Variants in CBX3 observed in about 807,000 individuals in gnomAD.
CBX3 encodes the protein chromobox protein homolog 3.
CBX3 carries 5 observed loss-of-function variants against 22.6 expected under a neutral mutation model. That is an observed-to-expected ratio of 0.22 (90% CI 0.12 to 0.47). The LOEUF (loss-of-function observed/expected upper bound fraction) is 0.47, where lower values mean the gene tolerates loss of function less well. Among genes scored for constraint, CBX3 ranks in the 20% least tolerant of loss-of-function variants. The pLI, the probability that CBX3 is intolerant of heterozygous loss-of-function variation, is 0.99. For synonymous variants in CBX3, 50 were observed against 66.6 expected, an observed-to-expected ratio of 0.75 and a Z score of 1.21; for missense variants, 83 against 208.1, an observed-to-expected ratio of 0.40 and a Z score of 3.70.
chr7:26,202,931 T>G, intron 1 of CBX3, 40 bp from the exon 2 acceptor site: 3 of 1,252,810 alleles, frequency 2.4e-6, no homozygotes, highest in Non-Finnish European at 3.5e-6. Flanking sequence ...ACCTTTTTTG[T>G]GTCATGCAAA....
intron 2 of CBX3, among the ~76,000 whole-genome samples, chr7:26,203,481 C>T (rs1249152539): frequency 1.3e-5 from 2 of 152,134 alleles, no homozygotes; most frequent in Non-Finnish European, 2.9e-5. Flanking sequence ...TTACTTTGGT[C>T]ACTTTATCTT....
At chr7:26,211,217 A>G (rs1032937571) in intron 4 of CBX3, among the ~76,000 whole-genome samples, 4 of 152,222 alleles carry the variant, frequency 2.6e-5, no homozygotes, top group Non-Finnish European at 5.9e-5. Flanking sequence ...TAGAATGATT[A>G]CAGATAGTTG....
chr7:26,206,409 T>A lies in CBX3; in HGVS notation c.66T>A (p.Val22=). The A allele has an allele frequency of 6.2e-7, 1 of 1,613,270 alleles. No individual in the cohort carries two copies. Among genetic ancestry groups the A allele is most frequent in the Non-Finnish European group, 8.5e-7 (1 of 1,179,706 alleles). ...AACAGAATGGAAAGAGTAAAAAAGT[T>A]GAAGAGGCAGAGCCTGAAGAATTTG... ...GKKQNGKSKK[V]EEAEPEEFVV... is the part of the protein sequence containing the mutation. The change falls in exon 3 of 6, where the codon GTT becomes GTA. Residue 22 remains valine (V), a synonymous_variant. Transcript: ENST00000396386.
chr7:26,211,213 G>T (rs1280936220), intron 4 of CBX3, among the ~76,000 whole-genome samples: 1 of 152,136 alleles, frequency 6.6e-6, no homozygotes, highest in Non-Finnish European at 1.5e-5. Flanking sequence ...CATTTAGAAT[G>T]ATTACAGATA....
chr7:26,206,347 T>G (rs773826070), intron 2 of CBX3, 21 bp from the exon 3 acceptor site: 3 of 1,026,106 alleles, frequency 2.9e-6, no homozygotes, highest in Non-Finnish European at 4.0e-6. Flanking sequence ...ATTTCTTAAT[T>G]TCTCTTTTGT....
intron 4 of CBX3, among the ~76,000 whole-genome samples, chr7:26,210,941 C>CATT: frequency 6.6e-6 from 1 of 152,252 alleles, no homozygotes; most frequent in East Asian, 1.9e-4. Context: ...CCGTAGACCA[C>CATT]ATTTTGAGAG....
At chr7:26,201,722 G>T (rs1288124767), upstream of CBX3, 1 of 96,666 alleles carries the variant, frequency 1.0e-5, no homozygotes, top group Admixed American at 1.2e-4. Flanking sequence ...GCGGCCCCGC[G>T]CGCAGCTCCC....
chr7:26,211,431 C>G (rs1265908384), intron 4 of CBX3, among the ~76,000 whole-genome samples: 2 of 152,068 alleles, frequency 1.3e-5, no homozygotes, highest in South Asian at 4.1e-4. Flanking sequence ...CAGTAATTTT[C>G]TTGACTTTTT....
upstream of CBX3, chr7:26,201,704 T>G (rs1784454830): frequency 3.8e-5 from 4 of 105,246 alleles, no homozygotes; most frequent in Admixed American, 3.2e-4. Flanking sequence ...GTGCCACCCC[T>G]CCCCCCGGCG....
In CBX3 at chr7:26,202,977, C is replaced by G. The variant is rs754824132; in HGVS notation, c.-22C>G. ...CTGTCATGCATTTTTCTAGTAATAG[C>G]TCTTCAAGTCTGCAATAAAAAATGG... On this transcript the variant is annotated 5_prime_UTR_variant, in exon 2 of 6. Transcript: ENST00000396386. The G allele has an allele frequency of 6.9e-6, 11 of 1,598,380 alleles. No individual in the cohort carries two copies. The highest frequency in any genetic ancestry group is 4.4e-5 in the South Asian group (4 of 90,542).
rs59657982 is a variant in CBX3, at chr7:26,208,917, C to CTTTTTTTTT, written c.330+388_330+396dup. Among the ~76,000 whole-genome samples the CTTTTTTTTT allele has an allele frequency of 5.4e-4, 15 of 27,942 alleles. 5 individuals carry two copies. The highest frequency in any genetic ancestry group is 4.4e-3 in the East Asian group (2 of 456). 18.3% of individuals were successfully genotyped at this position (27,942 alleles called of 152,430 possible). A position where few individuals can be genotyped will look rare whatever the true frequency, so the allele number is the denominator to read the frequency against. On this transcript the variant is annotated intron_variant, in intron 4 of 5. Transcript: ENST00000396386. The stretch of plus-strand genomic sequence containing the variant: ...GTAGGCATGAGCCACCACGCCTGGC[C>CTTTTTTTTT]TTTTTTTTTTTTTTTTTTTTTTTTT...
intron 5 of CBX3, 69 bp from the exon 6 acceptor site, chr7:26,212,013 A>C: frequency 2.2e-6 from 3 of 1,361,318 alleles, no homozygotes; most frequent in Non-Finnish European, 2.9e-6. Context: ...ATTATTTCTT[A>C]AATGAATGGC....
At chr7:26,203,224 T>C (rs1048967754) in intron 2 of CBX3, among the ~76,000 whole-genome samples, 7 of 152,218 alleles carry the variant, frequency 4.6e-5, no homozygotes, top group African/African-American at 1.7e-4. Flanking sequence ...CTTAACTAGT[T>C]CAAAGAAGGC....
At chr7:26,204,061 G>A (rs993003733) in intron 2 of CBX3, among the ~76,000 whole-genome samples, 3 of 152,160 alleles carry the variant, frequency 2.0e-5, no homozygotes, top group Non-Finnish European at 4.4e-5. Context: ...TGTGAGATAT[G>A]TGTGCTGTTA....
rs372876793 is a variant in CBX3, at chr7:26,202,982, C to A, written c.-17C>A. 129 of 1,602,950 alleles carry A rather than the reference C, an allele frequency of 8.0e-5. No homozygotes were observed. Among genetic ancestry groups the A allele is most frequent in the Non-Finnish European group, 1.0e-4 (119 of 1,170,510 alleles). On this transcript the variant is annotated 5_prime_UTR_variant, in exon 2 of 6. Coordinates refer to ENST00000396386, the MANE Select transcript of CBX3 (RefSeq NM_016587.4). ...ATGCATTTTTCTAGTAATAGCTCTTCAAGTCTGCAATAAAAAATGGCCTCC... is the reference window on the plus strand; with the variant it reads ...ATGCATTTTTCTAGTAATAGCTCTTAAAGTCTGCAATAAAAAATGGCCTCC...
chr7:26,203,799 C>T (rs1173784059), intron 2 of CBX3, among the ~76,000 whole-genome samples: 1 of 152,112 alleles, frequency 6.6e-6, no homozygotes, highest in African/African-American at 2.4e-5. Flanking sequence ...TGTATGTGCT[C>T]TCTCTGGGTT....
At chr7:26,208,274 G>A (rs1784725690) in intron 3 of CBX3, 119 bp from the exon 4 acceptor site, 1 of 674,910 alleles carries the variant, frequency 1.5e-6, no homozygotes, top group South Asian at 3.0e-5. Flanking sequence ...GAAATGATTA[G>A]TATCTGCAGT....
chr7:26,204,178 C>T (rs949381548), intron 2 of CBX3, among the ~76,000 whole-genome samples: 1 of 151,194 alleles, frequency 6.6e-6, no homozygotes, highest in Admixed American at 6.6e-5. Flanking sequence ...GCATTTGAAA[C>T]TAGCTTATGA....
chr7:26,206,071 C>A (rs118066525), intron 2 of CBX3: 2,879 of 259,276 alleles, frequency 0.011, 27 homozygotes, highest in Non-Finnish European at 0.015. Flanking sequence ...GCCTGGGCGA[C>A]AAGAGTGTGA....
Sources: gnomAD v4.1 joint callset for allele counts (sites outside exome capture counted in the v4.1 genomes callset) on GRCh38, gnomAD v4.1.1 for gene constraint, MANE v1.5 for transcripts, NCBI Gene and HGNC (gene_info 2026-07-23, HGNC 2026-07-21) for gene names.